Variants in IGSF1 observed in about 807,000 individuals in gnomAD.
The protein encoded by IGSF1 is immunoglobulin-like domain-containing protein 1.
Under a neutral mutation model 95.3 loss-of-function variants are expected in IGSF1, and 40 were observed. The observed-to-expected ratio is 0.42, with a 90% CI of 0.33 to 0.55. IGSF1 has a LOEUF of 0.55. Among genes scored for constraint, IGSF1 ranks in the 20% least tolerant of loss-of-function variants. IGSF1 has a pLI of 0.10. For synonymous variants in IGSF1, 372 were observed against 382.9 expected (o/e 0.97, Z 0.33); for missense variants, 906 against 1,025.4 (o/e 0.88, Z 1.59).
intron 13 of IGSF1, 29 bp downstream of exon 13, chrX:131,277,827 C>T: frequency 3.3e-6 from 4 of 1,194,225 alleles, no homozygotes; most frequent in Non-Finnish European, 4.5e-6. Flanking sequence ...ACCCTGCCCC[C>T]TTTCCTCCCA....
At chrX:131,285,713 C>T (rs2080625019) in intron 4 of IGSF1, 54 bp downstream of exon 4, 1 of 1,116,576 alleles carries the variant, frequency 9.0e-7, no homozygotes, top group African/African-American at 1.8e-5. Context: ...CCCTGGAAGG[C>T]AAGTTTGAAT....
In IGSF1 at chrX:131,278,070, C is replaced by T. The variant is rs267606356; in HGVS notation, c.2106G>A (p.Arg702=). 8.3e-7 allele frequency: 1 copy of T among 1,211,342 alleles called. No homozygotes were observed. The highest frequency in any genetic ancestry group is 1.8e-5 in the South Asian group (1 of 56,968). ...CCATGCCTGCCAGCCATCCTTTGCA[C>T]CGGAGTTGTAGTTCCTGGCCCCGGA... The part of the protein sequence containing the change: ...PTIRGQELQL[R]CKGWLAGMGF... The change falls in exon 13 of 20, where the codon CGG becomes CGA. Residue 702 remains arginine (R), a synonymous_variant. Coordinates refer to ENST00000361420, the MANE Select transcript of IGSF1 (RefSeq NM_001555.5).
Position 131,276,115 on chromosome X carries a change from G to A in IGSF1, c.2742C>T (p.Pro914=), listed in dbSNP as rs1308402033. ...TCCCTGAGACACTCCGAAACTGTAA[G>A]GGAACATGGGCTCCCTCCTGCAAGA... ...FALLQEGAHV[P]LQFRSVSGNS... The change falls in exon 15 of 20, where the codon CCC becomes CCT. Residue 914 remains proline, a synonymous_variant. Transcript: ENST00000361420. The A allele has an allele frequency of 3.3e-6, 4 of 1,209,768 alleles. No homozygotes were observed. The highest frequency in any genetic ancestry group is 4.5e-6 in the Non-Finnish European group (4 of 895,085).
At chrX:131,287,137 A>G (rs2080653697) in intron 1 of IGSF1, among the ~76,000 whole-genome samples, 1 of 98,057 alleles carries the variant, frequency 1.0e-5, no homozygotes, top group Admixed American at 1.2e-4. Context: ...ATATACGTAT[A>G]TATGTGTGTA....
In IGSF1 at chrX:131,285,420, A is replaced by G. The variant is rs759771568; in HGVS notation, c.426T>C (p.Ala142=). ...PIFWIQAETP[A]LPGCNVNILC... ...GGATGTTAACATTACACCCAGGAAG[A>G]GCGGGGGTCTCAGCCTGAATCCAGA... Residue 142 remains alanine, a synonymous_variant, in exon 5 of 20, where the codon GCT becomes GCC. Transcript: ENST00000361420. 11 of 1,208,065 alleles carry G rather than the reference A, an allele frequency of 9.1e-6. No individual in the cohort carries two copies. In the Admixed American group the frequency reaches 1.7e-4, roughly 19 times the overall value.
chrX:131,276,108 A>G lies in IGSF1; in HGVS notation c.2749T>C (p.Phe917Leu). 8.3e-7 allele frequency: 1 copy of G among 1,210,867 alleles called. No homozygotes were observed. The highest frequency in any genetic ancestry group is 1.1e-6 in the Non-Finnish European group (1 of 895,220). ...LQEGAHVPLQ[F>L]RSVSGNSADF... ...GCTGAGTTCCCTGAGACACTCCGAA[A>G]CTGTAAGGGAACATGGGCTCCCTCC... Residue 917 changes from phenylalanine (F) to leucine (L), a missense_variant, in exon 15 of 20, where the codon TTT becomes CTT. Physicochemically the swap from Phe to Leu is conservative, Grantham distance 22. Coordinates refer to ENST00000361420, the MANE Select transcript of IGSF1 (RefSeq NM_001555.5).
At chrX:131,284,686 C>A (rs761160692) in intron 5 of IGSF1, 43 of 749,565 alleles carry the variant, frequency 5.7e-5, no homozygotes, top group Admixed American at 2.7e-4. Context: ...AAAGCCATTT[C>A]TAAAATATGA....
rs190274877 is a variant in IGSF1 at position 131,273,615 on chromosome X, T to A, written c.*181A>T. 2.7e-4 allele frequency: 123 copies of A among 455,683 alleles called. 1 individual carries two copies. The East Asian group carries it at 3.1e-3, about 11-fold the overall frequency. 37.6% of individuals were successfully genotyped at this position (455,683 alleles called of 1,213,427 possible). ...TGAGGAGTTACAGGGGTGGGGAACCTCTCTTCAGGAAACATCTCACCCTGG... is the reference window on the plus strand; with the variant it reads ...TGAGGAGTTACAGGGGTGGGGAACCACTCTTCAGGAAACATCTCACCCTGG... On this transcript the variant is annotated 3_prime_UTR_variant, in exon 20 of 20. Coordinates refer to ENST00000361420, the MANE Select transcript of IGSF1 (RefSeq NM_001555.5).
chrX:131,275,082 C>G lies in IGSF1; in HGVS notation c.3389G>C (p.Gly1130Ala). The G allele has an allele frequency of 1.7e-6, 2 of 1,210,666 alleles. No individual in the cohort carries two copies. Among genetic ancestry groups the G allele is most frequent in the Non-Finnish European group, 1.1e-6 (1 of 894,557 alleles). ...CAAATAATAAACACAGCTATAGATC[C>G]CAGAGTCTTCACCTCTCACTGCTGG... ...WMPAVRGEDSGIYSCVYYLDS... is the reference protein window; with the variant it reads ...WMPAVRGEDSAIYSCVYYLDS... The change falls in exon 17 of 20, where the codon GGG (glycine) becomes GCG (alanine). Residue 1130 changes from glycine (G) to alanine (A), a missense_variant. Gly to Ala is a moderately conservative substitution (Grantham distance 60). Transcript: ENST00000361420.
intron 5 of IGSF1, chrX:131,284,498 G>T: frequency 1.3e-5 from 10 of 752,366 alleles, no homozygotes; most frequent in Non-Finnish European, 1.6e-5. Context: ...AGCCTATTTA[G>T]CTGGATAGAG....
Position 131,277,956 on chromosome X carries a change from C to T in IGSF1, c.2220G>A (p.Met740Ile), listed in dbSNP as rs758261526. The T allele has an allele frequency of 8.3e-6, 10 of 1,209,272 alleles. No individual in the cohort carries two copies. The highest frequency in any genetic ancestry group is 1.1e-5 in the Non-Finnish European group (10 of 894,712). The change falls in exon 13 of 20, where the codon ATG (methionine) becomes ATA (isoleucine). Residue 740 changes from methionine to isoleucine, a missense_variant. Physicochemically the swap from Met to Ile is conservative, Grantham distance 10. Transcript: ENST00000361420. Reference protein sequence around the residue: ...GREAFFTIQRMEDKDEGNYSC... With the variant: ...GREAFFTIQRIEDKDEGNYSC... ...TGTAATTGCCTTCGTCTTTATCCTC[C>T]ATTCTCTGGATTGTAAAGAAGGCTT...
At chrX:131,280,665 C>A (rs1245015306) in intron 9 of IGSF1, among the ~76,000 whole-genome samples, 2 of 112,048 alleles carry the variant, frequency 1.8e-5, no homozygotes, top group Admixed American at 1.9e-4. Context: ...TTGCCCCGTC[C>A]AATATCACAT....
chrX:131,281,043 G>A (rs2080550926), intron 9 of IGSF1, 175 bp downstream of exon 9: 1 of 484,208 alleles, frequency 2.1e-6, no homozygotes, highest in South Asian at 3.3e-5. Flanking sequence ...GCTGGCTTGA[G>A]TGCTGACCCC....
rs2080487323 is a variant in IGSF1 at position 131,277,145 on chromosome X, G to C, written c.2402C>G (p.Thr801Ser). 1 of 1,210,996 alleles carries C rather than the reference G, an allele frequency of 8.3e-7. No homozygotes were observed. The highest frequency in any genetic ancestry group is 3.0e-5 in the East Asian group (1 of 33,829). Reference protein sequence around the residue: ...PGARVTFNCSTPHQHMSFILY... With the variant: ...PGARVTFNCSSPHQHMSFILY... ...AATAAAGCTCATATGCTGGTGGGGG[G>C]TGGAGCAATTGAAAGTCACTCGGGC... is the stretch of plus-strand genomic sequence containing the variant. The change falls in exon 14 of 20, where the codon ACC becomes AGC. Residue 801 changes from threonine (T) to serine (S), a missense_variant. Thr to Ser is a moderately conservative substitution (Grantham distance 58). Transcript: ENST00000361420.
chrX:131,289,307 A>T, upstream of IGSF1: 1 of 374,652 alleles, frequency 2.7e-6, no homozygotes, highest in Non-Finnish European at 5.2e-6. Context: ...GTCTAAGGAC[A>T]GCCTCTTCGG....
intron 9 of IGSF1, among the ~76,000 whole-genome samples, chrX:131,279,938 C>G (rs779454448): frequency 8.9e-6 from 1 of 111,945 alleles, no homozygotes; most frequent in Non-Finnish European, 1.9e-5. Context: ...CAGATTATAA[C>G]TAGAAATGTG....
intron 1 of IGSF1, among the ~76,000 whole-genome samples, chrX:131,287,177 GTA>G (rs58556447): frequency 0.11 from 11,142 of 98,077 alleles, 499 homozygotes; most frequent in Middle Eastern, 0.16. Context: ...GTGTGTGTGT[GTA>G]TATATATATA....
chrX:131,283,882 T>C (rs931016035), intron 5 of IGSF1, among the ~76,000 whole-genome samples: 1 of 111,850 alleles, frequency 8.9e-6, no homozygotes, highest in African/African-American at 3.3e-5. Flanking sequence ...GGCACACTTA[T>C]CTATTCATTA....
chrX:131,274,664 C>T lies in IGSF1; in HGVS notation c.3686G>A (p.Arg1229His), dbSNP rs772852471. The change falls in exon 18 of 20, where the codon CGC becomes CAC. Residue 1229 changes from arginine (R) to histidine (H), a missense_variant. By Grantham distance (29) the Arg-to-His change is conservative. Transcript: ENST00000361420. The stretch of plus-strand genomic sequence containing the variant: ...CCAGATATCAGGGTAGGCCTGGAGG[C>T]GGTAGCTGCAGCTGTAGTTTCCAAT... ...KGIGNYSCSY[R>H]LQAYPDIWSE... 2.6e-5 allele frequency: 31 copies of T among 1,209,742 alleles called. No homozygotes were observed. Among genetic ancestry groups the T allele is most frequent in the South Asian group, 3.5e-5 (2 of 56,819 alleles).
Sources: allele counts gnomAD v4.1 joint callset (sites outside exome capture counted in the v4.1 genomes callset), GRCh38; gene constraint gnomAD v4.1.1; transcripts MANE v1.5; gene names NCBI Gene and HGNC (gene_info 2026-07-23, HGNC 2026-07-21).